The following CHMP7 variants were observed in gnomAD, a reference collection of about 807,000 sequenced individuals.
CHMP7 encodes CHMP family, member 7.
CHMP7 carries 15 observed loss-of-function variants against 53.7 expected under a neutral mutation model. The ratio of observed to expected loss-of-function variants is 0.28; its 90% CI spans 0.19 to 0.43. The LOEUF is 0.43. Ranked by LOEUF, CHMP7 falls within the 20% of genes least tolerant of loss-of-function variation. CHMP7 has a pLI of 1.00. For synonymous variants in CHMP7, 261 were observed against 228.0 expected (o/e 1.14, Z -1.30); for missense variants, 527 against 569.4 (o/e 0.93, Z 0.76).
At position 23,260,597 on chromosome 8, in the gene CHMP7, T is replaced by TAGGAC. The variant is rs1802347449; in HGVS notation, c.1361_*3dup. The TAGGAC allele has an allele frequency of 6.2e-7, 1 of 1,613,284 alleles. No homozygotes were observed. The highest frequency in any genetic ancestry group is 8.5e-7 in the Non-Finnish European group (1 of 1,179,304). On this transcript the variant is annotated frameshift_variant and stop_retained_variant, in exon 11 of 11. Transcript: ENST00000397677. LOFTEE classifies it high-confidence loss of function. The stretch of plus-strand genomic sequence containing the variant: ...ATTGGAACCGACTCTAAAGCCATTG[T>TAGGAC]AGGACCCTCAAGTGAAGGACCCTCA...
intron 5 of CHMP7, 83 bp downstream of exon 5, chr8:23,256,676 T>TA (rs869231794): frequency 1.9e-6 from 2 of 1,053,282 alleles, no homozygotes; most frequent in Middle Eastern, 2.4e-4. Flanking sequence ...TGTGGGCTTT[T>TA]AAAAAATAGG....
At chr8:23,250,996 C>A (rs1342556353) in intron 3 of CHMP7, among the ~76,000 whole-genome samples, 1 of 152,220 alleles carries the variant, frequency 6.6e-6, no homozygotes, top group African/African-American at 2.4e-5. Flanking sequence ...TGCAGTTATT[C>A]CCCTGCCCAG....
rs1801684399 is a variant in CHMP7, at chr8:23,246,445, C to T, written c.-251C>T. On this transcript the variant is annotated 5_prime_UTR_variant, in exon 2 of 11. Transcript: ENST00000397677. ...GCAAGCCTTTCTTTCGGCACAAAGACCGTGGGAGGAGGGGTCGGCGCAAGC... is the reference window on the plus strand; with the variant it reads ...GCAAGCCTTTCTTTCGGCACAAAGATCGTGGGAGGAGGGGTCGGCGCAAGC... 1.9e-6 allele frequency: 1 copy of T among 540,124 alleles called. No homozygotes were observed. The highest frequency in any genetic ancestry group is 1.9e-5 in the African/African-American group (1 of 52,288). The allele number at this position is 540,124 out of a possible 1,614,324, so 33.5% of individuals were successfully genotyped here.
At chr8:23,255,549 C>G (rs1008248463) in intron 4 of CHMP7, 117 bp downstream of exon 4, 1 of 837,852 alleles carries the variant, frequency 1.2e-6, no homozygotes. Context: ...CCGTCAACCA[C>G]GGTCCAAAAA....
intron 2 of CHMP7, among the ~76,000 whole-genome samples, chr8:23,247,428 A>T (rs1801746492): frequency 6.6e-6 from 1 of 152,200 alleles, no homozygotes; most frequent in East Asian, 1.9e-4. Context: ...GCCTGTAGGC[A>T]TCTTGCCAAC....
In CHMP7 at chr8:23,246,927, C is replaced by G. The variant is rs1196328631; in HGVS notation, c.232C>G (p.Gln78Glu). The G allele has an allele frequency of 6.4e-7, 1 of 1,565,222 alleles. No individual in the cohort carries two copies. Residue 78 changes from glutamine to glutamate, a missense_variant, in exon 2 of 11, where the codon CAG becomes GAG. Transcript: ENST00000397677. ...GVVRLRLRDLQEAFQRKGSVP... is the reference protein window; with the variant it reads ...GVVRLRLRDLEEAFQRKGSVP... Reference sequence around the variant, plus strand: ...GGTGCGCCTGCGTCTGCGGGACTTGCAGGAGGCCTTTCAGCGCAAGGGGAG... The same window carrying G: ...GGTGCGCCTGCGTCTGCGGGACTTGGAGGAGGCCTTTCAGCGCAAGGGGAG...
intron 3 of CHMP7, among the ~76,000 whole-genome samples, chr8:23,250,036 G>A (rs1207164856): frequency 6.6e-6 from 1 of 152,168 alleles, no homozygotes; most frequent in Non-Finnish European, 1.5e-5. Context: ...TCAGCCACAT[G>A]GGGTTTACCA....
chr8:23,250,546 C>A (rs889640820), intron 3 of CHMP7, among the ~76,000 whole-genome samples: 1 of 151,668 alleles, frequency 6.6e-6, no homozygotes, highest in Non-Finnish European at 1.5e-5. Context: ...ACCTCCCATT[C>A]ACTCTGTCAT....
intron 3 of CHMP7, chr8:23,252,407 ATCTCCT>A (rs1210438616): frequency 6.6e-6 from 1 of 151,906 alleles, no homozygotes; most frequent in Non-Finnish European, 1.5e-5. Context: ...GATGGTCTCG[ATCTCCT>A]GACCTCGTGA....
intron 4 of CHMP7, among the ~76,000 whole-genome samples, chr8:23,255,959 A>C (rs904765993): frequency 6.6e-6 from 1 of 151,838 alleles, no homozygotes. Context: ...AAGGGGTTTC[A>C]CCAGTTAGCC....
chr8:23,254,257 A>G (rs1802041043), intron 3 of CHMP7, among the ~76,000 whole-genome samples: 1 of 150,882 alleles, frequency 6.6e-6, no homozygotes, highest in African/African-American at 2.4e-5. Flanking sequence ...TCCCATGGAC[A>G]CCTCAGTCTT....
In CHMP7 at chr8:23,249,204, C is replaced by T. The variant is rs966430188; in HGVS notation, c.300-6C>T. On this transcript the variant is annotated splice_polypyrimidine_tract_variant and splice_region_variant and intron_variant, in intron 2 of 10. Coordinates refer to ENST00000397677, the MANE Select transcript of CHMP7 (RefSeq NM_152272.5). ...TACTACACGCCCTTCTTTTTCTTCCCTGCAGTCGAGGGGAGCTGCAGCGGG... is the reference window on the plus strand; with the variant it reads ...TACTACACGCCCTTCTTTTTCTTCCTTGCAGTCGAGGGGAGCTGCAGCGGG... 1.3e-6 allele frequency: 2 copies of T among 1,568,854 alleles called. No individual in the cohort carries two copies. The highest frequency in any genetic ancestry group is 2.7e-5 in the African/African-American group (2 of 73,002).
intron 1 of CHMP7, among the ~76,000 whole-genome samples, chr8:23,245,276 T>A (rs1801645520): frequency 6.6e-6 from 1 of 152,248 alleles, no homozygotes; most frequent in African/African-American, 2.4e-5. Flanking sequence ...TTCCTGTTTA[T>A]GTTCTTTATC....
At chr8:23,245,715 A>C (rs1801663008) in intron 1 of CHMP7, among the ~76,000 whole-genome samples, 1 of 152,202 alleles carries the variant, frequency 6.6e-6, no homozygotes, top group Admixed American at 6.5e-5. Context: ...TTTTTCTTAA[A>C]TATTTGGTAG....
intron 3 of CHMP7, among the ~76,000 whole-genome samples, chr8:23,250,871 A>G (rs1043569457): frequency 1.3e-5 from 2 of 152,134 alleles, no homozygotes; most frequent in African/African-American, 4.8e-5. Flanking sequence ...CAGATTGAGG[A>G]AGAGGTCTCC....
intron 1 of CHMP7, among the ~76,000 whole-genome samples, chr8:23,244,913 T>C (rs778059628): frequency 1.8e-4 from 27 of 152,220 alleles, no homozygotes; most frequent in Non-Finnish European, 2.6e-4. Flanking sequence ...TGGTATTGCA[T>C]TTTTAATTTC....
intron 3 of CHMP7, among the ~76,000 whole-genome samples, chr8:23,250,096 T>A (rs1801859745): frequency 1.3e-5 from 2 of 152,158 alleles, no homozygotes; most frequent in African/African-American, 4.8e-5. Context: ...CCCTTCATGG[T>A]CCCCAGCTGT....
chr8:23,260,739 T>C lies in CHMP7; in HGVS notation c.*140T>C. The stretch of plus-strand genomic sequence containing the variant: ...ACTGATTTTATCTGGATGCTACTAC[T>C]TACTACAGGACAGATAGAATTTCTG... On this transcript the variant is annotated 3_prime_UTR_variant, in exon 11 of 11. Coordinates refer to ENST00000397677, the MANE Select transcript of CHMP7 (RefSeq NM_152272.5). The C allele has an allele frequency of 2.8e-6, 2 of 711,654 alleles. No homozygotes were observed. Among genetic ancestry groups the C allele is most frequent in the South Asian group, 1.6e-5 (1 of 61,878 alleles). 44.1% of individuals were successfully genotyped at this position (711,654 alleles called of 1,614,324 possible).
rs1802270013 is a variant in CHMP7 at position 23,259,161 on chromosome 8, CATT to C, written c.1120+36_1120+38del. 6.3e-3 allele frequency: 3,265 copies of C among 514,424 alleles called. 81 individuals carry two copies. The highest frequency in any genetic ancestry group is 7.8e-3 in the Non-Finnish European group (2,397 of 307,748). The allele number at this position is 514,424 out of a possible 1,614,324, so 31.9% of individuals were successfully genotyped here. A position where few individuals can be genotyped will look rare whatever the true frequency, so the allele number is the denominator to read the frequency against. On this transcript the variant is annotated intron_variant, in intron 9 of 10. Coordinates refer to ENST00000397677, the MANE Select transcript of CHMP7 (RefSeq NM_152272.5). ...CAAGGTGGTTATTTTTATTTTTATT[CATT>C]TTTTTTTTTTTTTTTTTTTTTTGAG...
Sources: allele counts gnomAD v4.1 joint callset (sites outside exome capture counted in the v4.1 genomes callset), GRCh38; gene constraint gnomAD v4.1.1; transcripts MANE v1.5; gene names NCBI Gene and HGNC (gene_info 2026-07-23, HGNC 2026-07-21).